VAT1L: variants seen among roughly 807,000 people sequenced by gnomAD.
VAT1L encodes putative NADPH-dependent quinone oxidoreductase VAT1L.
Under a neutral mutation model 44.1 loss-of-function variants are expected in VAT1L, and 34 were observed. The observed-to-expected ratio is 0.77, with a 90% CI of 0.59 to 1.03. The LOEUF is 1.03. Among genes scored for constraint, VAT1L ranks in the 50% least tolerant of loss-of-function variants. The pLI is 0.00. For missense variants in VAT1L, 615 were observed against 538.8 expected (o/e 1.14, Z -1.40); for synonymous variants, 253 against 202.2 (o/e 1.25, Z -2.13).
At chr16:77,930,248 T>C (rs1348688977) in intron 7 of VAT1L, among the ~76,000 whole-genome samples, 1 of 152,164 alleles carries the variant, frequency 6.6e-6, no homozygotes, top group Non-Finnish European at 1.5e-5. Flanking sequence ...TAGCCTGTAT[T>C]GTCTGTCTTT....
intron 3 of VAT1L, among the ~76,000 whole-genome samples, chr16:77,835,450 C>T (rs921769530): frequency 3.9e-5 from 6 of 152,170 alleles, no homozygotes; most frequent in Admixed American, 1.3e-4. Context: ...ATCCCATGGT[C>T]CAGCTGTGCT....
At chr16:77,899,372 G>T (rs948227305) in intron 7 of VAT1L, among the ~76,000 whole-genome samples, 1 of 152,220 alleles carries the variant, frequency 6.6e-6, no homozygotes, top group African/African-American at 2.4e-5. Flanking sequence ...GCAGTGGAGA[G>T]ATTGGCTTGA....
At chr16:77,930,237 C>T (rs1346725754) in intron 7 of VAT1L, among the ~76,000 whole-genome samples, 1 of 152,168 alleles carries the variant, frequency 6.6e-6, no homozygotes, top group East Asian at 1.9e-4. Flanking sequence ...AATTCGACCC[C>T]TAGCCTGTAT....
At chr16:77,872,612 G>A (rs969593895) in intron 4 of VAT1L, among the ~76,000 whole-genome samples, 1 of 152,134 alleles carries the variant, frequency 6.6e-6, no homozygotes, top group Non-Finnish European at 1.5e-5. Flanking sequence ...TCCAGCCACA[G>A]TGGCTGCTTC....
chr16:77,872,277 A>G (rs1029365055), intron 4 of VAT1L, among the ~76,000 whole-genome samples: 1 of 152,134 alleles, frequency 6.6e-6, no homozygotes, highest in African/African-American at 2.4e-5. Context: ...TGATTGTGAT[A>G]GCCATTCTTA....
At chr16:77,832,890 T>C (rs1463371514) in intron 3 of VAT1L, among the ~76,000 whole-genome samples, 3 of 152,198 alleles carry the variant, frequency 2.0e-5, no homozygotes, top group African/African-American at 7.2e-5. Flanking sequence ...CGATCTTCAG[T>C]GGCTGAAGGA....
intron 3 of VAT1L, among the ~76,000 whole-genome samples, chr16:77,832,810 C>G (rs575023884): frequency 6.6e-6 from 1 of 152,162 alleles, no homozygotes. Context: ...ATCTATGTGC[C>G]TGAGCACTTG....
rs559268728 is a variant in VAT1L at position 77,970,310 on chromosome 16, C to G, written c.1078-1540C>G. On this transcript the variant is annotated intron_variant, in intron 7 of 8. Transcript: ENST00000302536. The stretch of plus-strand genomic sequence containing the variant: ...TTTAAAAGTGCATTTATATTAAATA[C>G]TGATTTGATAATATGTTACCAGACT... 3.3e-5 allele frequency among the ~76,000 whole-genome samples: 5 copies of G among 152,278 alleles called. No individual in the cohort carries two copies. In the East Asian group the frequency reaches 9.6e-4, roughly 29 times the overall value.
intron 1 of VAT1L, among the ~76,000 whole-genome samples, chr16:77,814,366 C>T (rs1441475945): frequency 4.6e-5 from 7 of 152,166 alleles, no homozygotes; most frequent in Non-Finnish European, 8.8e-5. Context: ...TTCTCCATGA[C>T]CTGACAGAAT....
chr16:77,874,942 C>G (rs930512988), intron 4 of VAT1L, among the ~76,000 whole-genome samples: 1 of 151,520 alleles, frequency 6.6e-6, no homozygotes, highest in Non-Finnish European at 1.5e-5. Context: ...GGCAGCAGCA[C>G]CTGGAAACGT....
intron 7 of VAT1L, among the ~76,000 whole-genome samples, chr16:77,968,455 G>A (rs1023368952): frequency 5.3e-5 from 8 of 152,166 alleles, no homozygotes; most frequent in African/African-American, 1.9e-4. Flanking sequence ...GCTGGGCGCG[G>A]TGGCTCACGC....
chr16:77,910,887 C>T (rs558099145), intron 7 of VAT1L, among the ~76,000 whole-genome samples: 1 of 152,274 alleles, frequency 6.6e-6, no homozygotes, highest in Non-Finnish European at 1.5e-5. Flanking sequence ...TACGACAGTA[C>T]ATCTTTAAAC....
chr16:77,931,709 T>A (rs1033783905), intron 7 of VAT1L, among the ~76,000 whole-genome samples: 2 of 152,242 alleles, frequency 1.3e-5, no homozygotes, highest in African/African-American at 2.4e-5. Flanking sequence ...TGTAGTGATA[T>A]CTTATAAGCC....
At chr16:77,862,935 T>C (rs1475533495) in intron 4 of VAT1L, 45 bp downstream of exon 4, 1 of 1,601,226 alleles carries the variant, frequency 6.2e-7, no homozygotes, top group Non-Finnish European at 8.5e-7. Context: ...GCCCTTGCTC[T>C]GCTCTCAAAG....
intron 3 of VAT1L, among the ~76,000 whole-genome samples, chr16:77,833,720 C>A (rs560529621): frequency 6.6e-6 from 1 of 151,126 alleles, no homozygotes; most frequent in African/African-American, 2.4e-5. Flanking sequence ...CATTGCACTC[C>A]GGCCTGGTGA....
At chr16:77,903,763 G>A (rs2017409504) in intron 7 of VAT1L, among the ~76,000 whole-genome samples, 1 of 139,918 alleles carries the variant, frequency 7.1e-6, no homozygotes, top group Non-Finnish European at 1.5e-5. Context: ...TTGAGACAGA[G>A]TCTTATTCTG....
intron 7 of VAT1L, among the ~76,000 whole-genome samples, chr16:77,938,539 A>T (rs1403541369): frequency 1.3e-5 from 2 of 152,102 alleles, no homozygotes; most frequent in Non-Finnish European, 2.9e-5. Context: ...GCGAGTTCTC[A>T]TGAGATCTGG....
At chr16:77,959,272 T>C (rs764105340) in intron 7 of VAT1L, among the ~76,000 whole-genome samples, 59 of 152,232 alleles carry the variant, frequency 3.9e-4, no homozygotes, top group Admixed American at 5.9e-4. Context: ...CCAGTCACTC[T>C]TCCATCTGGG....
chr16:77,913,562 G>A (rs1383456497), intron 7 of VAT1L, among the ~76,000 whole-genome samples: 3 of 151,926 alleles, frequency 2.0e-5, no homozygotes, highest in Non-Finnish European at 4.4e-5. Flanking sequence ...CTTCTAGGAT[G>A]CCCTTCCTTG....
Sources: allele counts gnomAD v4.1 joint callset (sites outside exome capture counted in the v4.1 genomes callset), GRCh38; gene constraint gnomAD v4.1.1; transcripts MANE v1.5; gene names NCBI Gene and HGNC (gene_info 2026-07-23, HGNC 2026-07-21).